DPP10: variants seen among roughly 807,000 people sequenced by gnomAD.
DPP10 encodes the protein dipeptidyl peptidase like 10, also known as inactive dipeptidyl peptidase 10.
DPP10 carries 33 observed loss-of-function variants against 120.9 expected under a neutral mutation model. That is an observed-to-expected ratio of 0.27 (90% CI 0.21 to 0.37). DPP10 has a LOEUF of 0.37. DPP10 is among the 10% of genes least tolerant of loss of function. The pLI is 1.00. For missense variants in DPP10, 816 were observed against 942.8 expected (o/e 0.87, Z 1.76); for synonymous variants, 337 against 326.1 (o/e 1.03, Z -0.36).
intron 3 of DPP10, among the ~76,000 whole-genome samples, chr2:115,477,495 G>GA (rs1000606342): frequency 2.8e-4 from 42 of 151,728 alleles, no homozygotes; most frequent in Non-Finnish European, 3.5e-4. Flanking sequence ...AGCATTCCTG[G>GA]AAAAAAAAGA....
At chr2:115,040,317 C>T (rs72611953) in intron 1 of DPP10, among the ~76,000 whole-genome samples, 11,651 of 151,832 alleles carry the variant, frequency 0.077, 797 homozygotes, top group East Asian at 0.34. Flanking sequence ...TCTTCATATC[C>T]TATTTATTTA....
At chr2:115,728,954 A>G (rs2092832858) in intron 8 of DPP10, among the ~76,000 whole-genome samples, 1 of 152,206 alleles carries the variant, frequency 6.6e-6, no homozygotes, top group Non-Finnish European at 1.5e-5. Context: ...ATTTATATGT[A>G]TATGTGTACA....
intron 1 of DPP10, among the ~76,000 whole-genome samples, chr2:114,543,360 C>G (rs1687101700): frequency 6.6e-6 from 1 of 152,182 alleles, no homozygotes; most frequent in African/African-American, 2.4e-5. Flanking sequence ...ACAGCATCCT[C>G]CACTCCTGCG....
At chr2:115,525,035 G>C (rs531088748) in intron 4 of DPP10, among the ~76,000 whole-genome samples, 5 of 152,212 alleles carry the variant, frequency 3.3e-5, no homozygotes, top group African/African-American at 1.2e-4. Context: ...GGACTTTATA[G>C]AGAGCAGTCT....
At chr2:115,469,742 T>C (rs968905636) in intron 3 of DPP10, among the ~76,000 whole-genome samples, 3 of 151,764 alleles carry the variant, frequency 2.0e-5, no homozygotes, top group Non-Finnish European at 4.4e-5. Context: ...CTACTAAAAA[T>C]ACAAAAGTAG....
At chr2:114,584,377 C>A (rs1690774106) in intron 1 of DPP10, among the ~76,000 whole-genome samples, 1 of 151,972 alleles carries the variant, frequency 6.6e-6, no homozygotes, top group Admixed American at 6.6e-5. Flanking sequence ...CTGTTACATA[C>A]CTTTATTTAT....
chr2:115,328,290 T>C (rs1453490661), intron 2 of DPP10, among the ~76,000 whole-genome samples: 1 of 152,138 alleles, frequency 6.6e-6, no homozygotes, highest in African/African-American at 2.4e-5. Context: ...TTCTCATATT[T>C]AGATTCTTTA....
intron 1 of DPP10, among the ~76,000 whole-genome samples, chr2:114,525,650 AT>A (rs1320603474): frequency 6.6e-6 from 1 of 152,176 alleles, no homozygotes; most frequent in Non-Finnish European, 1.5e-5. Flanking sequence ...TTTTGATTTT[AT>A]CACTTACTGT....
intron 1 of DPP10, among the ~76,000 whole-genome samples, chr2:114,806,298 G>C (rs1053322647): frequency 1.3e-5 from 2 of 152,166 alleles, no homozygotes; most frequent in Non-Finnish European, 2.9e-5. Flanking sequence ...AGCTAGCCAT[G>C]TATTATTTTC....
chr2:114,663,668 T>TAGAGAGAGAGAG (rs1553479098), intron 1 of DPP10, among the ~76,000 whole-genome samples: 1,327 of 80,580 alleles, frequency 0.016, 19 homozygotes, highest in Non-Finnish European at 0.021. Flanking sequence ...TATATATATA[T>TAGAGAGAGAGAG]AGAGAGAGAG....
intron 2 of DPP10, 121 bp from the exon 3 acceptor site, chr2:115,343,696 G>C (rs1006471458): frequency 2.2e-5 from 11 of 490,942 alleles, no homozygotes; most frequent in African/African-American, 2.0e-4. Context: ...TGTCAAAATG[G>C]TCACTTTATA....
intron 1 of DPP10, among the ~76,000 whole-genome samples, chr2:114,919,896 C>G (rs78071773): frequency 0.015 from 2,244 of 152,262 alleles, 25 homozygotes; most frequent in Non-Finnish European, 0.024. Context: ...CAGTTGGTCA[C>G]CTCTCCCTCC....
At chr2:114,976,130 T>C (rs554313252) in intron 1 of DPP10, among the ~76,000 whole-genome samples, 10 of 152,336 alleles carry the variant, frequency 6.6e-5, no homozygotes, top group African/African-American at 2.2e-4. Flanking sequence ...TGTTTACAAA[T>C]TAAAAATCAT....
intron 3 of DPP10, among the ~76,000 whole-genome samples, chr2:115,372,678 A>G (rs766679373): frequency 1.9e-4 from 29 of 152,224 alleles, no homozygotes; most frequent in Non-Finnish European, 3.4e-4. Flanking sequence ...AACCTGGATC[A>G]GAGACCAGAT....
chr2:115,095,573 G>GTTTT (rs747930952), intron 1 of DPP10, among the ~76,000 whole-genome samples: 8 of 133,964 alleles, frequency 6.0e-5, no homozygotes, highest in East Asian at 2.2e-4. Context: ...AATTCTGTTT[G>GTTTT]GTTTTTTTTT....
chr2:114,466,727 A>G (rs1679412279), intron 1 of DPP10, among the ~76,000 whole-genome samples: 1 of 152,186 alleles, frequency 6.6e-6, no homozygotes, highest in African/African-American at 2.4e-5. Flanking sequence ...TATAGAACGT[A>G]AGCAATTGTC....
chr2:115,020,426 A>G (rs1303371296), intron 1 of DPP10, among the ~76,000 whole-genome samples: 1 of 152,202 alleles, frequency 6.6e-6, no homozygotes, highest in African/African-American at 2.4e-5. Context: ...GGGACATTAT[A>G]TAATGATATA....
chr2:114,619,111 A>AT (rs1396248572), intron 1 of DPP10, among the ~76,000 whole-genome samples: 4 of 152,006 alleles, frequency 2.6e-5, no homozygotes, highest in Non-Finnish European at 5.9e-5. Context: ...AATGATTTAT[A>AT]TATTGTAGTT....
intron 2 of DPP10, among the ~76,000 whole-genome samples, chr2:115,324,922 A>G (rs967691187): frequency 6.6e-6 from 1 of 150,880 alleles, no homozygotes. Context: ...GGGGGCCTGA[A>G]GAGAGAGAGA....
Sources: gnomAD v4.1 joint callset for allele counts (sites outside exome capture counted in the v4.1 genomes callset) on GRCh38, gnomAD v4.1.1 for gene constraint, MANE v1.5 for transcripts, NCBI Gene and HGNC (gene_info 2026-07-23, HGNC 2026-07-21) for gene names.